Variants in AADAC observed in about 807,000 individuals in gnomAD.
AADAC encodes arylacetamide deacetylase.
A neutral mutation model predicts 22.7 loss-of-function variants in AADAC; 17 were observed. The ratio of observed to expected loss-of-function variants is 0.75; its 90% confidence interval spans 0.51 to 1.12. AADAC has a LOEUF of 1.12. AADAC is among the 50% of genes most tolerant of loss of function. The probability of loss-of-function intolerance (pLI) is 0.00; values close to 1 mark genes in which losing one functional copy is unlikely to be tolerated. For missense variants in AADAC, 465 were observed against 473.9 expected, an observed-to-expected ratio of 0.98 and a Z score of 0.17; for synonymous variants, 167 against 176.3, an observed-to-expected ratio of 0.95 and a Z score of 0.42.
Position 151,819,647 on chromosome 3 carries a change from G to C in AADAC, c.362-736G>C, listed in dbSNP as rs190319975. 9.2e-5 allele frequency among the ~76,000 whole-genome samples: 14 copies of C among 152,088 alleles called. No individual in the cohort carries two copies. The East Asian group carries it at 2.5e-3, about 27-fold the overall frequency. On this transcript the variant is annotated intron_variant, in intron 2 of 4. Coordinates refer to ENST00000232892, the MANE Select transcript of AADAC (RefSeq NM_001086.3). ...CAATAAGTAGAAATATGTTAGCCAA[G>C]TAATGGGCTGGGAGTGTTGACTGAT...
rs185073620 is a variant in AADAC, at chr3:151,826,888, C to A, written c.604-688C>A. Among the ~76,000 whole-genome samples the A allele has an allele frequency of 1.4e-3, 208 of 151,928 alleles. 1 individual carries two copies. The highest frequency in any genetic ancestry group is 1.7e-3 in the Non-Finnish European group (115 of 67,876). On this transcript the variant is annotated intron_variant, in intron 4 of 4. Coordinates refer to ENST00000232892, the MANE Select transcript of AADAC (RefSeq NM_001086.3). ...ATTAAGTGATCCTTCTTCTTCATGG[C>A]AAAGCTTATTGATATACTGGTATAT...
chr3:151,820,113 A>T (rs1051820313), intron 2 of AADAC, among the ~76,000 whole-genome samples: 1 of 151,108 alleles, frequency 6.6e-6, no homozygotes. Context: ...CTAGAGAATG[A>T]GTCTGACACA....
In AADAC at chr3:151,820,398, A is replaced by G. The variant is rs1179754437; in HGVS notation, c.377A>G (p.Asp126Gly). Residue 126 changes from aspartate (D) to glycine (G), a missense_variant, in exon 3 of 5, where the codon GAC becomes GGC. Physicochemically the swap from Asp to Gly is moderately conservative, Grantham distance 94. Transcript: ENST00000232892. ...TTTATTTCAGCTCTAAGTGGTTATG[A>G]CTTGCTGTCAAGATGGACAGCAGAC... ...CVGSAALSGY[D>G]LLSRWTADRL... is the part of the protein sequence containing the mutation. 2.5e-6 allele frequency: 4 copies of G among 1,583,832 alleles called. No homozygotes were observed. The highest frequency in any genetic ancestry group is 4.6e-5 in the East Asian group (2 of 43,906).
rs1008045439 is a variant in AADAC, at chr3:151,826,941, G to A, written c.604-635G>A. Among the ~76,000 whole-genome samples, 12 of 151,826 alleles carry A rather than the reference G, an allele frequency of 7.9e-5. 1 individual carries two copies. The highest frequency in any genetic ancestry group is 2.9e-4 in the African/African-American group (12 of 41,354). Reference sequence around the variant, plus strand: ...TAATAATATATTTTTTTGAGACAGTGTGTCACTCTGTCTCCCAGGCTGGAG... The same window carrying A: ...TAATAATATATTTTTTTGAGACAGTATGTCACTCTGTCTCCCAGGCTGGAG... On this transcript the variant is annotated intron_variant, in intron 4 of 4. Transcript: ENST00000232892.
rs1195708112 is a variant in AADAC at position 151,824,679 on chromosome 3, A to G, written c.448A>G (p.Lys150Glu). 1.9e-6 allele frequency: 3 copies of G among 1,580,664 alleles called. No homozygotes were observed. ...TCTCTACAGCTACAGATTAGCACCT[A>G]AGTATCATTTCCCAATTCAATTTGA... The part of the protein sequence containing the change: ...VVSTNYRLAP[K>E]YHFPIQFEDV... The change falls in exon 4 of 5, where the codon AAG (lysine) becomes GAG (glutamate). Residue 150 changes from lysine (K) to glutamate (E), a missense_variant. Physicochemically the swap from Lys to Glu is moderately conservative, Grantham distance 56 (BLOSUM62 1). Coordinates refer to ENST00000232892, the MANE Select transcript of AADAC (RefSeq NM_001086.3).
At chr3:151,826,558 C>G (rs995460458) in intron 4 of AADAC, among the ~76,000 whole-genome samples, 1 of 151,900 alleles carries the variant, frequency 6.6e-6, no homozygotes. Context: ...AATATCTGTA[C>G]TTTTATTTAG....
chr3:151,827,652 T>C lies in AADAC; in HGVS notation c.680T>C (p.Val227Ala), dbSNP rs1263810165. The C allele has an allele frequency of 6.2e-7, 1 of 1,612,220 alleles. No homozygotes were observed. Among genetic ancestry groups the C allele is most frequent in the South Asian group, 1.1e-5 (1 of 90,890 alleles). ...TATCCTGCCCTTCAGCCTCTTGATG[T>C]AGATTTACCGTCATATCAAGAAAAT... Reference protein sequence around the residue: ...LIYPALQPLDVDLPSYQENSN... With the variant: ...LIYPALQPLDADLPSYQENSN... Residue 227 changes from valine to alanine, a missense_variant, in exon 5 of 5, where the codon GTA (valine) becomes GCA (alanine). Physicochemically the swap from Val to Ala is moderately conservative, Grantham distance 64. Transcript: ENST00000232892.
chr3:151,821,789 T>G (rs1220659115), intron 3 of AADAC, among the ~76,000 whole-genome samples: 1 of 151,946 alleles, frequency 6.6e-6, no homozygotes, highest in Non-Finnish European at 1.5e-5. Flanking sequence ...AAAATATTTA[T>G]GCAAATATAT....
intron 2 of AADAC, 68 bp from the exon 3 acceptor site, chr3:151,820,315 G>A: frequency 8.4e-7 from 1 of 1,187,262 alleles, no homozygotes; most frequent in Non-Finnish European, 1.2e-6. Flanking sequence ...CAGGATTTTT[G>A]TGAAGGAAAC....
At chr3:151,814,379 T>C in intron 1 of AADAC, 79 bp downstream of exon 1, 6 of 1,375,152 alleles carry the variant, frequency 4.4e-6, no homozygotes, top group Non-Finnish European at 5.9e-6. Context: ...AAGATTCTAT[T>C]CTTTTGATTT....
In AADAC at chr3:151,828,414, C is replaced by T. The variant is rs183212958; in HGVS notation, c.*242C>T. ...GTTAATCTTATTTTAAAAAATATTA[C>T]ATTCTTGTATACTTTATTTTTGTGA... On this transcript the variant is annotated 3_prime_UTR_variant, in exon 5 of 5. Transcript: ENST00000232892. 3.6e-5 allele frequency: 9 copies of T among 252,812 alleles called. No homozygotes were observed. The Admixed American group carries it at 4.2e-4, about 12-fold the overall frequency. The allele number at this position is 252,812 out of a possible 1,614,324, so 15.7% of individuals were successfully genotyped here.
intron 3 of AADAC, among the ~76,000 whole-genome samples, chr3:151,820,817 C>T (rs911955213): frequency 7.2e-6 from 1 of 139,324 alleles, no homozygotes; most frequent in Non-Finnish European, 1.6e-5. Flanking sequence ...CGCGCTCAGC[C>T]GATTCTCTCA....
rs1716599945 is a variant in AADAC at position 151,828,419 on chromosome 3, T to G, written c.*247T>G. On this transcript the variant is annotated 3_prime_UTR_variant, in exon 5 of 5. Coordinates refer to ENST00000232892, the MANE Select transcript of AADAC (RefSeq NM_001086.3). ...TCTTATTTTAAAAAATATTACATTC[T>G]TGTATACTTTATTTTTGTGAGTTGG... 4.3e-6 allele frequency: 1 copy of G among 233,618 alleles called. No individual in the cohort carries two copies. The highest frequency in any genetic ancestry group is 5.4e-5 in the Admixed American group (1 of 18,358). The allele number at this position is 233,618 out of a possible 1,614,324, so 14.5% of individuals were successfully genotyped here. A position where few individuals can be genotyped will look rare whatever the true frequency, so the allele number is the denominator to read the frequency against.
intron 4 of AADAC, among the ~76,000 whole-genome samples, chr3:151,826,270 A>G (rs1716488287): frequency 6.6e-6 from 1 of 151,988 alleles, no homozygotes; most frequent in African/African-American, 2.4e-5. Context: ...CAGCAAAAGC[A>G]TTAGACTGGA....
At chr3:151,820,495 T>C (rs1716197138) in intron 3 of AADAC, 43 bp downstream of exon 3, 1 of 1,083,244 alleles carries the variant, frequency 9.2e-7, no homozygotes, top group Non-Finnish European at 1.3e-6. Context: ...ATGTCTGACA[T>C]GCCAAGATTT....
At chr3:151,820,998 T>A (rs1576643110) in intron 3 of AADAC, among the ~76,000 whole-genome samples, 1 of 151,474 alleles carries the variant, frequency 6.6e-6, no homozygotes, top group Admixed American at 6.6e-5. Flanking sequence ...AAAGTAAAAA[T>A]TTTTTTCACA....
intron 2 of AADAC, among the ~76,000 whole-genome samples, chr3:151,818,458 C>T (rs1337466442): frequency 1.3e-5 from 2 of 151,996 alleles, no homozygotes; most frequent in Non-Finnish European, 2.9e-5. Context: ...ATCAGGCACC[C>T]TCCTGAACCA....
At chr3:151,819,947 C>A (rs927467116) in intron 2 of AADAC, among the ~76,000 whole-genome samples, 3 of 152,038 alleles carry the variant, frequency 2.0e-5, no homozygotes, top group Admixed American at 2.0e-4. Context: ...CTTAGGTGAT[C>A]CTTCTATATT....
intron 1 of AADAC, among the ~76,000 whole-genome samples, chr3:151,816,079 A>G (rs1715978193): frequency 6.6e-6 from 1 of 152,012 alleles, no homozygotes; most frequent in Non-Finnish European, 1.5e-5. Context: ...CCATATAAGC[A>G]AGTTGTTAAT....
Sources: gnomAD v4.1 joint callset for allele counts (sites outside exome capture counted in the v4.1 genomes callset) on GRCh38, gnomAD v4.1.1 for gene constraint, MANE v1.5 for transcripts, NCBI Gene and HGNC (gene_info 2026-07-23, HGNC 2026-07-21) for gene names.